Variants in NEDD9 observed in about 807,000 individuals in gnomAD.
The protein encoded by NEDD9 is neural precursor cell expressed, developmentally down-regulated 9.
A neutral mutation model predicts 76.6 loss-of-function variants in NEDD9; 26 were observed. The observed-to-expected ratio is 0.34, with a 90% CI of 0.25 to 0.47. The LOEUF (loss-of-function observed/expected upper bound fraction) is 0.47. NEDD9 is among the 20% of genes least tolerant of loss of function. NEDD9 has a pLI of 1.00. For missense variants in NEDD9, 937 were observed against 1,058.5 expected (o/e 0.89, Z 1.59); for synonymous variants, 392 against 414.2 (o/e 0.95, Z 0.65).
At chr6:11,382,019 C>T (rs994824618) in intron 1 of NEDD9, 6 of 152,196 alleles carry the variant, frequency 3.9e-5, no homozygotes, top group Admixed American at 2.0e-4. Context: ...CCTCCCTGCC[C>T]CAGTTGAGGA....
intron 1 of NEDD9, among the ~76,000 whole-genome samples, chr6:11,363,274 A>G (rs919653183): frequency 6.6e-6 from 1 of 152,206 alleles, no homozygotes; most frequent in African/African-American, 2.4e-5. Context: ...AAAGAGATTG[A>G]TTAACTACTT....
chr6:11,225,466 G>A (rs1759282096), intron 1 of NEDD9, among the ~76,000 whole-genome samples: 1 of 152,138 alleles, frequency 6.6e-6, no homozygotes. Flanking sequence ...GGGGATTAGG[G>A]AGAAAGAGAC....
rs1229471521 is a variant in NEDD9, at chr6:11,268,682, T to C, written c.12+37310A>G. Among the ~76,000 whole-genome samples, 7 of 151,384 alleles carry C rather than the reference T, an allele frequency of 4.6e-5. No individual in the cohort carries two copies. The South Asian group carries it at 1.5e-3, about 32-fold the overall frequency. ...GGCGGAGGTTGCAGTGAGCCGAGAT[T>C]GGGCCACTGCACTCCAGCCTGGGCA... On this transcript the variant is annotated intron_variant, in intron 3 of 3. Coordinates refer to the NEDD9 transcript ENST00000397378.
chr6:11,355,744 A>G lies in NEDD9; in HGVS notation c.-213-21183T>C, dbSNP rs576313298. ...TTTTTTTTAATTATTTTTTTGAGAC[A>G]GAGTCTCGCTCTGTCGCCCAGGCTG... On this transcript the variant is annotated intron_variant, in intron 1 of 3. Transcript: ENST00000397378. 6.9e-4 allele frequency among the ~76,000 whole-genome samples: 104 copies of G among 151,820 alleles called. 1 individual carries two copies. The East Asian group carries it at 0.01, about 15-fold the overall frequency.
intron 3 of NEDD9, among the ~76,000 whole-genome samples, chr6:11,292,963 A>G (rs915675502): frequency 5.3e-5 from 8 of 152,222 alleles, no homozygotes; most frequent in Non-Finnish European, 7.3e-5. Flanking sequence ...TCCACCCTAG[A>G]ACCCATGAAC....
At chr6:11,327,500 C>T (rs1487547845) in intron 2 of NEDD9, among the ~76,000 whole-genome samples, 3 of 152,218 alleles carry the variant, frequency 2.0e-5, no homozygotes, top group Admixed American at 2.0e-4. Context: ...CTTTTGAGTC[C>T]CCTCCAGTAT....
chr6:11,241,415 C>T lies in NEDD9; in HGVS notation c.13-27688G>A, dbSNP rs1299742066. 6.6e-6 allele frequency among the ~76,000 whole-genome samples: 1 copy of T among 152,190 alleles called. No homozygotes were observed. Among genetic ancestry groups the T allele is most frequent in the Non-Finnish European group, 1.5e-5 (1 of 68,044 alleles). Reference sequence around the variant, plus strand: ...CATGTGATATGATGCGACTTTGTAGCCCTCTTCCCCTCTCCACGTCTTGCT... The same window carrying T: ...CATGTGATATGATGCGACTTTGTAGTCCTCTTCCCCTCTCCACGTCTTGCT... On this transcript the variant is annotated intron_variant, in intron 3 of 3. Transcript: ENST00000397378. This position sits in a 1 kb window ranked among gnomAD's most constrained non-coding sequence, Gnocchi z 4.0.
intron 3 of NEDD9, among the ~76,000 whole-genome samples, chr6:11,246,512 A>G (rs1759815316): frequency 6.6e-6 from 1 of 151,900 alleles, no homozygotes. Flanking sequence ...AAGAATCAAG[A>G]TCTCATGCCA....
intron 1 of NEDD9, among the ~76,000 whole-genome samples, chr6:11,366,005 G>T (rs1473461970): frequency 6.6e-6 from 1 of 151,660 alleles, no homozygotes; most frequent in African/African-American, 2.4e-5. Flanking sequence ...AAAGAAAGAG[G>T]CTGGGCGTGG....
chr6:11,204,807 A>C (rs10947021), intron 2 of NEDD9, among the ~76,000 whole-genome samples: 48 of 151,678 alleles, frequency 3.2e-4, no homozygotes, highest in African/African-American at 1.2e-3. Context: ...ACATAGCAAC[A>C]TTCTCAGTGG....
At chr6:11,309,454 G>A (rs1213310933) in intron 2 of NEDD9, among the ~76,000 whole-genome samples, 1 of 152,088 alleles carries the variant, frequency 6.6e-6, no homozygotes, top group East Asian at 1.9e-4. Context: ...TGCCTTCCTT[G>A]TTTCTTTGTG....
At chr6:11,329,367 T>C (rs1883239) in intron 2 of NEDD9, among the ~76,000 whole-genome samples, 26,831 of 152,114 alleles carry the variant, frequency 0.18, 3,011 homozygotes, top group African/African-American at 0.32. Context: ...GGGCAACTCC[T>C]TCACCTTGGC....
At chr6:11,208,798 C>T (rs1032564082) in intron 2 of NEDD9, among the ~76,000 whole-genome samples, 4 of 152,226 alleles carry the variant, frequency 2.6e-5, no homozygotes, top group African/African-American at 9.6e-5. Flanking sequence ...AATGGATGAA[C>T]TCAGGTAGCA....
In NEDD9 at chr6:11,213,299, C is replaced by A. The variant is rs1758840014; in HGVS notation, c.441G>T (p.Gly147=). 1 of 1,605,708 alleles carries A rather than the reference C, an allele frequency of 6.2e-7. No individual in the cohort carries two copies. The highest frequency in any genetic ancestry group is 8.5e-7 in the Non-Finnish European group (1 of 1,173,500). The change falls in exon 2 of 7, where the codon GGG becomes GGT. Residue 147 remains glycine, a synonymous_variant. Transcript: ENST00000379446. The surrounding 1 kb of genome is among the most constrained non-coding windows in gnomAD (Gnocchi z 5.4). ...TACTCACCTTTTTACCCACGTGGGG[C>A]CCACTGGTTCCCCCAATGCTTCTCT... ...SVQRSIGGTS[G]PHVGKKVITP...
chr6:11,303,596 TGG>T (rs1283875069), intron 3 of NEDD9, among the ~76,000 whole-genome samples: 2 of 152,178 alleles, frequency 1.3e-5, no homozygotes, highest in East Asian at 3.8e-4. Context: ...AGCATGGTAC[TGG>T]TACCAAAACA....
chr6:11,279,093 C>T (rs1399316303), intron 3 of NEDD9, among the ~76,000 whole-genome samples: 1 of 152,074 alleles, frequency 6.6e-6, no homozygotes, highest in South Asian at 2.1e-4. Flanking sequence ...GAAGTAAAGG[C>T]AATAGATACC....
chr6:11,249,900 A>G (rs1266518290), intron 3 of NEDD9, among the ~76,000 whole-genome samples: 1 of 152,074 alleles, frequency 6.6e-6, no homozygotes, highest in Admixed American at 6.5e-5. Flanking sequence ...CCCTCCTGGT[A>G]CACACGTGGT....
At chr6:11,290,899 G>T (rs1219881130) in intron 3 of NEDD9, among the ~76,000 whole-genome samples, 1 of 152,202 alleles carries the variant, frequency 6.6e-6, no homozygotes, top group Non-Finnish European at 1.5e-5. Context: ...GATTTAGGTT[G>T]ATGATGCGAT....
intron 3 of NEDD9, among the ~76,000 whole-genome samples, chr6:11,249,818 C>G (rs531848507): frequency 6.6e-6 from 1 of 152,206 alleles, no homozygotes; most frequent in Non-Finnish European, 1.5e-5. Flanking sequence ...GAGTGCATTT[C>G]CCTCTTCCTG....
Sources: gnomAD v4.1 joint callset for allele counts (sites outside exome capture counted in the v4.1 genomes callset) on GRCh38, gnomAD v4.1.1 for gene constraint, Gnocchi (gnomAD v3.1) non-coding constraint, MANE v1.5 for transcripts, NCBI Gene and HGNC (gene_info 2026-07-23, HGNC 2026-07-21) for gene names.